The following SLC35D2 variants were observed in gnomAD, a reference collection of about 807,000 sequenced individuals.
SLC35D2 encodes nucleotide sugar transporter SLC35D2.
A neutral mutation model predicts 41.8 loss-of-function variants in SLC35D2; 43 were observed. The observed-to-expected ratio is 1.03, with a 90% CI of 0.81 to 1.33. The LOEUF is 1.33. Among genes scored for constraint, SLC35D2 ranks in the 40% most tolerant of loss-of-function variants. The probability of loss-of-function intolerance (pLI) is 0.00; values close to 1 mark genes in which losing one functional copy is unlikely to be tolerated. For synonymous variants in SLC35D2, 150 were observed against 163.9 expected, an observed-to-expected ratio of 0.92 and a Z score of 0.65; for missense variants, 380 against 408.4, an observed-to-expected ratio of 0.93 and a Z score of 0.60.
At chr9:96,378,712 C>T (rs960884301) in intron 1 of SLC35D2, among the ~76,000 whole-genome samples, 1 of 151,884 alleles carries the variant, frequency 6.6e-6, no homozygotes, top group Non-Finnish European at 1.5e-5. Context: ...TGAGATCAAC[C>T]TGGGCAATAG....
downstream of SLC35D2, among the ~76,000 whole-genome samples, chr9:96,318,303 T>C (rs922816010): frequency 2.0e-5 from 3 of 151,776 alleles, no homozygotes; most frequent in Non-Finnish European, 4.4e-5. Flanking sequence ...CTACAAAAAC[T>C]ATTTAAAATT....
At chr9:96,350,017 C>T (rs35616305) in intron 6 of SLC35D2, among the ~76,000 whole-genome samples, 4,001 of 152,168 alleles carry the variant, frequency 0.026, 77 homozygotes, top group Middle Eastern at 0.054. Context: ...CCTATACCTG[C>T]GGTGTGAATT....
intron 9 of SLC35D2, among the ~76,000 whole-genome samples, chr9:96,333,594 C>CAA (rs573718212): frequency 2.1e-3 from 144 of 67,080 alleles, no homozygotes; most frequent in African/African-American, 2.8e-3. Flanking sequence ...GACTCCGTCT[C>CAA]AAAAAAAAAA....
intron 1 of SLC35D2, among the ~76,000 whole-genome samples, chr9:96,370,134 C>T (rs1050662239): frequency 1.1e-4 from 16 of 152,210 alleles, no homozygotes; most frequent in African/African-American, 2.9e-4. Flanking sequence ...AGGGGTATAA[C>T]GGCTACACCC....
chr9:96,354,120 A>G (rs1022990421), intron 4 of SLC35D2, among the ~76,000 whole-genome samples: 13 of 152,352 alleles, frequency 8.5e-5, no homozygotes, highest in African/African-American at 2.9e-4. Context: ...TTGCATTCGA[A>G]AAGTATTCTA....
chr9:96,328,176 T>C (rs576764569), intron 9 of SLC35D2, among the ~76,000 whole-genome samples: 6 of 152,318 alleles, frequency 3.9e-5, no homozygotes, highest in African/African-American at 1.4e-4. Context: ...GATTTTACTA[T>C]CTGTAGATTA....
chr9:96,360,840 C>T (rs1830243195), intron 3 of SLC35D2, among the ~76,000 whole-genome samples: 1 of 151,836 alleles, frequency 6.6e-6, no homozygotes, highest in Admixed American at 6.6e-5. Context: ...CTCCCAGGTT[C>T]AAGCAATTCT....
At chr9:96,350,512 C>A (rs568193253) in intron 6 of SLC35D2, among the ~76,000 whole-genome samples, 19 of 151,894 alleles carry the variant, frequency 1.3e-4, no homozygotes, top group African/African-American at 4.6e-4. Context: ...AGTTTTGAAC[C>A]CAGGGATGTA....
chr9:96,319,489 G>A (rs951610119), downstream of SLC35D2, among the ~76,000 whole-genome samples: 1 of 144,462 alleles, frequency 6.9e-6, no homozygotes, highest in Admixed American at 7.2e-5. Context: ...AGTCTGTTAT[G>A]TATTTTACCA....
intron 8 of SLC35D2, among the ~76,000 whole-genome samples, chr9:96,341,509 C>T (rs1013343819): frequency 2.0e-5 from 3 of 152,276 alleles, no homozygotes; most frequent in Admixed American, 6.5e-5. Context: ...GCCCTAGATG[C>T]TTTGCCTATA....
chr9:96,315,660 C>T (rs1411484149), intron 11 of SLC35D2, among the ~76,000 whole-genome samples: 1 of 152,096 alleles, frequency 6.6e-6, no homozygotes, highest in East Asian at 1.9e-4. Context: ...GTCTCCATCT[C>T]CTGACCTTGT....
Position 96,345,229 on chromosome 9 carries a change from C to G in SLC35D2, c.591+70G>C, listed in dbSNP as rs763644252. 204 of 769,600 alleles carry G rather than the reference C, an allele frequency of 2.7e-4. 1 individual carries two copies. The South Asian group carries it at 2.8e-3, about 10-fold the overall frequency. The allele number at this position is 769,600 out of a possible 1,614,324, so 47.7% of individuals were successfully genotyped here. On this transcript the variant is annotated intron_variant, in intron 7 of 11. Coordinates refer to ENST00000253270, the MANE Select transcript of SLC35D2 (RefSeq NM_007001.3). ...AAATTACATTCCAACTGTACACATT[C>G]ATTTTCATTTTTCATATAATTCTAG...
At chr9:96,354,144 A>G (rs1829924900) in intron 4 of SLC35D2, among the ~76,000 whole-genome samples, 1 of 152,254 alleles carries the variant, frequency 6.6e-6, no homozygotes. Flanking sequence ...TATGCCTTTT[A>G]AAAGCAAATA....
intron 1 of SLC35D2, among the ~76,000 whole-genome samples, chr9:96,377,233 A>T (rs1450871144): frequency 6.6e-6 from 1 of 152,096 alleles, no homozygotes; most frequent in Admixed American, 6.6e-5. Flanking sequence ...CACTCTTGTC[A>T]TACCAAACTA....
intron 3 of SLC35D2, among the ~76,000 whole-genome samples, chr9:96,363,051 T>C (rs1240617234): frequency 6.6e-6 from 1 of 152,012 alleles, no homozygotes; most frequent in South Asian, 2.1e-4. Flanking sequence ...GTATATTCAG[T>C]AGAGACGGGG....
chr9:96,349,677 C>T (rs1829730195), intron 6 of SLC35D2, among the ~76,000 whole-genome samples: 1 of 152,150 alleles, frequency 6.6e-6, no homozygotes, highest in Admixed American at 6.5e-5. Flanking sequence ...AGGCACCTGC[C>T]ACCACACCTG....
intron 1 of SLC35D2, among the ~76,000 whole-genome samples, chr9:96,378,246 C>T (rs1332547142): frequency 6.7e-6 from 1 of 148,764 alleles, no homozygotes. Context: ...CCAGCCTGAG[C>T]AACATACTGA....
downstream of SLC35D2, among the ~76,000 whole-genome samples, chr9:96,319,672 A>AT (rs1394548336): frequency 6.6e-6 from 1 of 151,760 alleles, no homozygotes; most frequent in Non-Finnish European, 1.5e-5. Context: ...TGCCTGGCTA[A>AT]TTTTTTTGTA....
At chr9:96,328,802 C>A (rs1200764552) in intron 9 of SLC35D2, among the ~76,000 whole-genome samples, 1 of 152,188 alleles carries the variant, frequency 6.6e-6, no homozygotes, top group Non-Finnish European at 1.5e-5. Context: ...GCACATCATT[C>A]TCTTATAATT....
Sources: gnomAD v4.1 joint callset for allele counts (sites outside exome capture counted in the v4.1 genomes callset) on GRCh38, gnomAD v4.1.1 for gene constraint, MANE v1.5 for transcripts, NCBI Gene and HGNC (gene_info 2026-07-23, HGNC 2026-07-21) for gene names.